Variants in STXBP6 observed in about 807,000 individuals in gnomAD.
The protein encoded by STXBP6 is syntaxin-binding protein 6.
In STXBP6, 21 loss-of-function variants were observed where a neutral mutation model predicts 26.9. The ratio of observed to expected loss-of-function variants is 0.78; its 90% CI spans 0.55 to 1.12. STXBP6 has a LOEUF of 1.12. STXBP6 is among the 50% of genes most tolerant of loss of function. STXBP6 has a pLI of 0.00. For synonymous variants in STXBP6, 97 were observed against 92.6 expected, an observed-to-expected ratio of 1.05 and a Z score of -0.27; for missense variants, 232 against 257.9, an observed-to-expected ratio of 0.90 and a Z score of 0.69.
chr14:25,006,901 C>CA (rs138441695), intron 1 of STXBP6, among the ~76,000 whole-genome samples: 19,470 of 151,992 alleles, frequency 0.13, 1,795 homozygotes, highest in African/African-American at 0.26. Flanking sequence ...ACATATTCAG[C>CA]AATAGGTAGA....
In STXBP6 at chr14:24,974,789, T is replaced by C; in HGVS notation, c.30A>G (p.Glu10=). 3.7e-6 allele frequency: 6 copies of C among 1,609,284 alleles called. No homozygotes were observed. The highest frequency in any genetic ancestry group is 5.1e-6 in the Non-Finnish European group (6 of 1,177,428). Residue 10 remains glutamate (E), a synonymous_variant, in exon 2 of 6, where the codon GAA becomes GAG. Coordinates refer to ENST00000323944, the MANE Select transcript of STXBP6 (RefSeq NM_001394410.1). MSAKSAISK[E]IFAPLDERML... is the part of the protein sequence containing the mutation. ...TCCTTTCATCAAGAGGTGCAAAAATTTCCTTGCTGATAGCAGATTTGGCAC... is the reference window on the plus strand; with the variant it reads ...TCCTTTCATCAAGAGGTGCAAAAATCTCCTTGCTGATAGCAGATTTGGCAC...
chr14:25,027,807 G>C (rs1465711627), intron 1 of STXBP6, among the ~76,000 whole-genome samples: 1 of 152,208 alleles, frequency 6.6e-6, no homozygotes, highest in Non-Finnish European at 1.5e-5. Flanking sequence ...TAAAAATACT[G>C]CTCTGCTGAA....
chr14:24,862,795 G>A (rs920136861), intron 2 of STXBP6, among the ~76,000 whole-genome samples: 1 of 152,150 alleles, frequency 6.6e-6, no homozygotes, highest in Non-Finnish European at 1.5e-5. Flanking sequence ...AAATTCTATG[G>A]GAAGGCTGCT....
chr14:25,009,814 C>T (rs2074990587), intron 1 of STXBP6, among the ~76,000 whole-genome samples: 1 of 152,206 alleles, frequency 6.6e-6, no homozygotes, highest in African/African-American at 2.4e-5. Context: ...AGCAATATGA[C>T]TGCCACTGTA....
intron 1 of STXBP6, among the ~76,000 whole-genome samples, chr14:25,008,961 C>T (rs2074968160): frequency 6.6e-6 from 1 of 152,142 alleles, no homozygotes; most frequent in Non-Finnish European, 1.5e-5. Flanking sequence ...CAAATACTAT[C>T]TCAGCCAGCC....
chr14:25,025,809 G>T (rs2075339171), intron 1 of STXBP6, among the ~76,000 whole-genome samples: 1 of 152,152 alleles, frequency 6.6e-6, no homozygotes, highest in Non-Finnish European at 1.5e-5. Flanking sequence ...TGAAGTCAGA[G>T]GATTCTTTCT....
At chr14:25,014,168 T>C (rs371653741) in intron 1 of STXBP6, among the ~76,000 whole-genome samples, 2 of 152,192 alleles carry the variant, frequency 1.3e-5, no homozygotes, top group East Asian at 3.8e-4. Flanking sequence ...TCTCTTGTAC[T>C]CCTGTGTACG....
rs139809980 is a variant in STXBP6, at chr14:24,974,841, C to A, written c.-23G>T. Reference sequence around the variant, plus strand: ...CATTGTAGAACAAGTGAGGACAGCACGCAGTGAATCTTTTAAAGAAGGAAA... The same window carrying A: ...CATTGTAGAACAAGTGAGGACAGCAAGCAGTGAATCTTTTAAAGAAGGAAA... On this transcript the variant is annotated 5_prime_UTR_variant, in exon 2 of 6. Transcript: ENST00000323944. 9 of 1,539,876 alleles carry A rather than the reference C, an allele frequency of 5.8e-6. No individual in the cohort carries two copies. The South Asian group carries it at 7.6e-5, about 13-fold the overall frequency.
intron 1 of STXBP6, among the ~76,000 whole-genome samples, chr14:25,031,618 T>A (rs186874660): frequency 6.6e-6 from 1 of 152,242 alleles, no homozygotes; most frequent in African/African-American, 2.4e-5. Context: ...CGTCTTAGCA[T>A]GAGAGTAAAC....
chr14:24,971,873 A>T (rs2073916507), intron 2 of STXBP6, among the ~76,000 whole-genome samples: 2 of 152,238 alleles, frequency 1.3e-5, no homozygotes, highest in African/African-American at 4.8e-5. Flanking sequence ...GGTAAGATGC[A>T]TGAATTCTTT....
intron 1 of STXBP6, among the ~76,000 whole-genome samples, chr14:24,985,337 A>T (rs1296007807): frequency 6.6e-6 from 1 of 152,226 alleles, no homozygotes; most frequent in African/African-American, 2.4e-5. Flanking sequence ...TGCAGTTTGC[A>T]ACAGGAGTCA....
intron 1 of STXBP6, among the ~76,000 whole-genome samples, chr14:25,023,736 C>A (rs954551440): frequency 6.6e-6 from 1 of 151,956 alleles, no homozygotes; most frequent in African/African-American, 2.4e-5. Flanking sequence ...ATGGAGGTAA[C>A]CTATGATCAT....
At chr14:24,852,615 T>C (rs1032133009) in intron 4 of STXBP6, among the ~76,000 whole-genome samples, 1 of 152,116 alleles carries the variant, frequency 6.6e-6, no homozygotes, top group African/African-American at 2.4e-5. Context: ...AAGATGATTT[T>C]AAAGGTGCTT....
intron 2 of STXBP6, 132 bp from the exon 3 acceptor site, chr14:24,857,289 G>T: frequency 8.4e-7 from 1 of 1,191,350 alleles, no homozygotes; most frequent in East Asian, 2.4e-5. Flanking sequence ...GGGAAAGGAG[G>T]GAATATGAAT....
rs1272536611 is a variant in STXBP6, at chr14:24,857,080, A to C, written c.232T>G (p.Ser78Ala). 1.2e-5 allele frequency: 19 copies of C among 1,612,960 alleles called. No individual in the cohort carries two copies. Among genetic ancestry groups the C allele is most frequent in the Non-Finnish European group, 1.5e-5 (18 of 1,179,294 alleles). The change falls in exon 3 of 6, where the codon TCA (serine) becomes GCA (alanine). Residue 78 changes from serine (S) to alanine (A), a missense_variant. By Grantham distance (99) the Ser-to-Ala change is moderately conservative. Transcript: ENST00000323944. ...CGAAGCTGCTCGAGCATCCACTGTG[A>C]TCTCCGAACAAATGATGTGGAGCCT... Reference protein sequence around the residue: ...FEGSTSFVRRSQWMLEQLRQV... With the variant: ...FEGSTSFVRRAQWMLEQLRQV...
chr14:24,975,816 T>G (rs1307785419), intron 1 of STXBP6, among the ~76,000 whole-genome samples: 6 of 152,232 alleles, frequency 3.9e-5, no homozygotes, highest in Non-Finnish European at 8.8e-5. Flanking sequence ...ATTAAGCCTG[T>G]CATCCAAAAA....
intron 2 of STXBP6, among the ~76,000 whole-genome samples, chr14:24,872,664 G>C (rs912369624): frequency 6.6e-6 from 1 of 152,290 alleles, no homozygotes; most frequent in East Asian, 1.9e-4. Flanking sequence ...ACGAGAGTAG[G>C]GAGATGCCAC....
At position 24,824,975 on chromosome 14, in the gene STXBP6, G is replaced by A. The variant is rs145531590; in HGVS notation, c.452-5781C>T. 2.6e-3 allele frequency among the ~76,000 whole-genome samples: 403 copies of A among 152,324 alleles called. 3 individuals carry two copies. The highest frequency in any genetic ancestry group is 4.3e-3 in the Non-Finnish European group (294 of 68,014). ...CATCTATGTCGGCATTTGCCAAAGT[G>A]GTTCTGTGAGTTACAGTGCTCCAAG... On this transcript the variant is annotated intron_variant, in intron 4 of 5. Coordinates refer to ENST00000323944, the MANE Select transcript of STXBP6 (RefSeq NM_001394410.1).
intron 2 of STXBP6, among the ~76,000 whole-genome samples, chr14:24,868,953 T>C (rs1056072922): frequency 6.6e-6 from 1 of 152,236 alleles, no homozygotes; most frequent in African/African-American, 2.4e-5. Context: ...ATTTTGCATA[T>C]GTCAGGAAAA....
Sources: gnomAD v4.1 joint callset for allele counts (sites outside exome capture counted in the v4.1 genomes callset) on GRCh38, gnomAD v4.1.1 for gene constraint, MANE v1.5 for transcripts, NCBI Gene and HGNC (gene_info 2026-07-23, HGNC 2026-07-21) for gene names.